The following SKIC3 variants were observed in gnomAD, a reference collection of about 807,000 sequenced individuals.
SKIC3 encodes the protein SKI3 subunit of superkiller complex, also known as superkiller complex protein 3.
At chr5:95,525,770 C>G in the SKIC3 span, 3 of 1,137,100 alleles carry the variant, frequency 2.6e-6, no homozygotes, top group African/African-American at 4.6e-5. Flanking sequence ...AAGCATGGTC[C>G]TAATAGAATA....
chr5:95,467,293 ATATTT>A, the SKIC3 span, among the ~76,000 whole-genome samples: 1 of 152,202 alleles, frequency 6.6e-6, no homozygotes, highest in African/African-American at 2.4e-5. Flanking sequence ...TGAATCTATT[ATATTT>A]TATTACTGAA....
chr5:95,507,012 C>T, the SKIC3 span: 7 of 1,604,712 alleles, frequency 4.4e-6, no homozygotes, highest in Non-Finnish European at 5.1e-6. Context: ...CAAAATTGCC[C>T]TTAAAAAAAA....
the SKIC3 span, among the ~76,000 whole-genome samples, chr5:95,472,554 CA>C: frequency 4.6e-5 from 7 of 152,018 alleles, no homozygotes; most frequent in African/African-American, 1.7e-4. Flanking sequence ...AGAAGCATGC[CA>C]GGGGGAAAAT....
the SKIC3 span, among the ~76,000 whole-genome samples, chr5:95,468,149 A>T: frequency 6.6e-6 from 1 of 152,282 alleles, no homozygotes; most frequent in Non-Finnish European, 1.5e-5. Context: ...ATAATGGTTA[A>T]TATCTATTGA....
the SKIC3 span, chr5:95,543,407 A>G: frequency 6.7e-7 from 1 of 1,500,938 alleles, no homozygotes; most frequent in Non-Finnish European, 9.2e-7. Flanking sequence ...GTCTAGCATG[A>G]GTCAGGAAAT....
chr5:95,469,154 T>C, the SKIC3 span, among the ~76,000 whole-genome samples: 3 of 152,208 alleles, frequency 2.0e-5, no homozygotes, highest in Admixed American at 2.0e-4. Flanking sequence ...ATGTAGTATA[T>C]ATTAGAACTA....
the SKIC3 span, among the ~76,000 whole-genome samples, chr5:95,476,473 C>A: frequency 6.6e-6 from 1 of 152,136 alleles, no homozygotes; most frequent in Non-Finnish European, 1.5e-5. Flanking sequence ...TATATCCATC[C>A]TCCCCATACT....
At chr5:95,543,329 T>A in the SKIC3 span, 1 of 1,613,800 alleles carries the variant, frequency 6.2e-7, no homozygotes, top group East Asian at 2.2e-5. Flanking sequence ...TAACACTGTC[T>A]GATTTAAAAA....
the SKIC3 span, among the ~76,000 whole-genome samples, chr5:95,501,595 G>A: frequency 6.6e-6 from 1 of 150,594 alleles, no homozygotes; most frequent in Non-Finnish European, 1.5e-5. Context: ...CAAAAACAAA[G>A]AAAGAAACAT....
At chr5:95,518,783 G>T in the SKIC3 span, among the ~76,000 whole-genome samples, 1 of 151,984 alleles carries the variant, frequency 6.6e-6, no homozygotes, top group African/African-American at 2.4e-5. Context: ...GGGTACAGAT[G>T]TCTCTTTGAT....
chr5:95,529,139 C>A, the SKIC3 span: 3 of 1,571,556 alleles, frequency 1.9e-6, no homozygotes, highest in South Asian at 1.1e-5. Flanking sequence ...AACAAGGTTT[C>A]TGTGACTACA....
the SKIC3 span, among the ~76,000 whole-genome samples, chr5:95,507,749 T>C: frequency 6.6e-6 from 1 of 152,178 alleles, no homozygotes; most frequent in Non-Finnish European, 1.5e-5. Context: ...ACTATACCCT[T>C]ATTTAGATTT....
the SKIC3 span, among the ~76,000 whole-genome samples, chr5:95,479,461 C>T: frequency 2.6e-5 from 4 of 152,206 alleles, no homozygotes; most frequent in East Asian, 7.7e-4. Context: ...TGAGAATTAA[C>T]AATTTACAGT....
At chr5:95,523,258 C>T in the SKIC3 span, 1 of 1,613,874 alleles carries the variant, frequency 6.2e-7, no homozygotes, top group South Asian at 1.1e-5. Context: ...CTCGCCTAAG[C>T]CAGGCCCATT....
the SKIC3 span, chr5:95,517,060 C>T: frequency 6.2e-7 from 1 of 1,613,588 alleles, no homozygotes; most frequent in Non-Finnish European, 8.5e-7. Context: ...GACCATAACA[C>T]CTACGGGAAT....
chr5:95,505,569 C>T, the SKIC3 span, among the ~76,000 whole-genome samples: 8 of 151,966 alleles, frequency 5.3e-5, no homozygotes, highest in Non-Finnish European at 7.4e-5. Context: ...ATTCCAGCAC[C>T]TTGGGAGGCC....
At chr5:95,552,513 T>A in the SKIC3 span, among the ~76,000 whole-genome samples, 1 of 152,076 alleles carries the variant, frequency 6.6e-6, no homozygotes, top group Admixed American at 6.5e-5. Context: ...GGCTTACCAG[T>A]GTTAACAAAA....
the SKIC3 span, among the ~76,000 whole-genome samples, chr5:95,492,672 A>AG: frequency 7.2e-6 from 1 of 138,856 alleles, no homozygotes; most frequent in East Asian, 2.1e-4. Context: ...AAAAAAAAAA[A>AG]AAAAAAAAAA....
chr5:95,464,284 G>A, the SKIC3 span: 1 of 208,868 alleles, frequency 4.8e-6, no homozygotes, highest in African/African-American at 2.3e-5. Flanking sequence ...TTTATTGTAA[G>A]GGATTACAGT....
Sources: gnomAD v4.1 joint callset for allele counts (sites outside exome capture counted in the v4.1 genomes callset) on GRCh38, gnomAD v4.1.1 for gene constraint, MANE v1.5 for transcripts, NCBI Gene and HGNC (gene_info 2026-07-23, HGNC 2026-07-21) for gene names.